KIAA2012: variants seen among roughly 807,000 people sequenced by gnomAD.
KIAA2012 encodes the protein KIAA2012.
KIAA2012 carries 125 observed loss-of-function variants against 150.6 expected under a neutral mutation model. The ratio of observed to expected loss-of-function variants is 0.83; its 90% CI spans 0.72 to 0.96. The LOEUF (loss-of-function observed/expected upper bound fraction) is 0.96, where lower values mean the gene tolerates loss of function less well. KIAA2012 is among the 40% of genes least tolerant of loss of function. The probability of loss-of-function intolerance (pLI) is 0.00; values close to 1 mark genes in which losing one functional copy is unlikely to be tolerated. For synonymous variants in KIAA2012, 462 were observed against 504.7 expected, an observed-to-expected ratio of 0.92 and a Z score of 1.13; for missense variants, 1,219 against 1,354.9, an observed-to-expected ratio of 0.90 and a Z score of 1.57.
chr2:202,095,926 A>T (rs576979576), intron 4 of KIAA2012, among the ~76,000 whole-genome samples: 2 of 152,230 alleles, frequency 1.3e-5, no homozygotes, highest in South Asian at 2.1e-4. Context: ...TCTACTAAAG[A>T]TACAAAAATT....
intron 13 of KIAA2012, among the ~76,000 whole-genome samples, chr2:202,153,801 A>G (rs1287957637): frequency 1.3e-5 from 2 of 152,180 alleles, no homozygotes; most frequent in African/African-American, 4.8e-5. Flanking sequence ...TAGAAAAGAC[A>G]CCCAATAAAT....
intron 14 of KIAA2012, among the ~76,000 whole-genome samples, chr2:202,159,187 A>G (rs974960066): frequency 6.6e-6 from 1 of 152,208 alleles, no homozygotes. Flanking sequence ...TGCTTGGCTT[A>G]GGACATCATC....
chr2:202,159,381 A>G (rs1691604230), intron 14 of KIAA2012, among the ~76,000 whole-genome samples: 1 of 147,888 alleles, frequency 6.8e-6, no homozygotes, highest in East Asian at 2.0e-4. Context: ...TCTATTTCCA[A>G]AAAAAAAAAA....
At chr2:202,131,581 A>G (rs1265898433) in intron 12 of KIAA2012, among the ~76,000 whole-genome samples, 1 of 152,248 alleles carries the variant, frequency 6.6e-6, no homozygotes, top group Non-Finnish European at 1.5e-5. Flanking sequence ...AAAGTAGTCC[A>G]CAGGGGTGGA....
chr2:202,204,636 A>C (rs1255503146), intron 23 of KIAA2012, among the ~76,000 whole-genome samples: 3 of 152,204 alleles, frequency 2.0e-5, no homozygotes, highest in Non-Finnish European at 4.4e-5. Context: ...TGCTTTCTAC[A>C]GAAATTACAC....
At chr2:202,130,567 G>T (rs1256100311) in intron 12 of KIAA2012, among the ~76,000 whole-genome samples, 1 of 152,124 alleles carries the variant, frequency 6.6e-6, no homozygotes, top group Non-Finnish European at 1.5e-5. Flanking sequence ...TTCTTAAATA[G>T]TATTTTCTAT....
intron 12 of KIAA2012, 158 bp from the exon 13 acceptor site, chr2:202,138,274 T>A: frequency 1.6e-6 from 1 of 615,290 alleles, no homozygotes; most frequent in Non-Finnish European, 2.9e-6. Flanking sequence ...GTTACAGGTG[T>A]TTTTTGGTGA....
At chr2:202,121,148 T>C (rs994603966) in intron 11 of KIAA2012, among the ~76,000 whole-genome samples, 1 of 152,206 alleles carries the variant, frequency 6.6e-6, no homozygotes, top group Non-Finnish European at 1.5e-5. Context: ...AAGAGAACAA[T>C]TCCATATGGG....
At chr2:202,127,712 C>T (rs924184481) in intron 12 of KIAA2012, among the ~76,000 whole-genome samples, 3 of 152,236 alleles carry the variant, frequency 2.0e-5, no homozygotes, top group African/African-American at 7.2e-5. Flanking sequence ...AGACCTTGGA[C>T]TAATGCAAAT....
At chr2:202,198,182 A>AG (rs1222477441) in intron 22 of KIAA2012, among the ~76,000 whole-genome samples, 3 of 151,374 alleles carry the variant, frequency 2.0e-5, no homozygotes, top group African/African-American at 7.3e-5. Flanking sequence ...CTCAAAAAAA[A>AG]AAAAAAAAAA....
chr2:202,125,508 C>T (rs1017481772), intron 12 of KIAA2012, among the ~76,000 whole-genome samples: 2 of 152,118 alleles, frequency 1.3e-5, no homozygotes, highest in African/African-American at 2.4e-5. Context: ...GAAGAGACGT[C>T]GGGTGGAACC....
intron 11 of KIAA2012, chr2:202,113,660 GGA>G (rs1487154649): frequency 3.7e-6 from 2 of 537,656 alleles, no homozygotes; most frequent in East Asian, 6.4e-5. Flanking sequence ...TGGAGCATTT[GGA>G]GAGAGAAGTT....
intron 14 of KIAA2012, among the ~76,000 whole-genome samples, chr2:202,156,636 A>G (rs1691533308): frequency 6.6e-6 from 1 of 152,248 alleles, no homozygotes; most frequent in South Asian, 2.1e-4. Flanking sequence ...CTGTAATCCC[A>G]GCACTTTGGG....
Position 202,193,315 on chromosome 2 carries a change from G to A in KIAA2012, c.2826G>A (p.Lys942=). 1.3e-6 allele frequency: 2 copies of A among 1,549,650 alleles called. No individual in the cohort carries two copies. Among genetic ancestry groups the A allele is most frequent in the East Asian group, 2.4e-5 (1 of 40,912 alleles). The change falls in exon 20 of 24, where the codon AAG becomes AAA. Residue 942 remains lysine, a synonymous_variant. Transcript: ENST00000498697. ...TGGTTTCTTAGGCCCTCCTCACTAA[G>A]AGGGAGCAGGAGAAGGCTTCCTGGG... ...CEDPSKALLT[K]REQEKASWDR...
chr2:202,137,623 A>G (rs1691100910), intron 12 of KIAA2012: 1 of 151,990 alleles, frequency 6.6e-6, no homozygotes, highest in African/African-American at 2.4e-5. Flanking sequence ...GACCAAATTT[A>G]CTTTCTTAAG....
rs1690131731 is a variant in KIAA2012, at chr2:202,104,538, GCA to G, written c.1325-1222_1325-1221del. Among the ~76,000 whole-genome samples, 1 of 152,226 alleles carries G rather than the reference GCA, an allele frequency of 6.6e-6. No individual in the cohort carries two copies. Among genetic ancestry groups the G allele is most frequent in the Non-Finnish European group, 1.5e-5 (1 of 68,040 alleles). ...TTTTCACAGAAGGAATATGGGCAAGGCAGAGCAAGCAGCCTAAGCAGATTTAG... is the reference window on the plus strand; with the variant it reads ...TTTTCACAGAAGGAATATGGGCAAGGGAGCAAGCAGCCTAAGCAGATTTAG... On this transcript the variant is annotated intron_variant, in intron 8 of 23. Coordinates refer to ENST00000498697, the MANE Select transcript of KIAA2012 (RefSeq NM_001277372.4). This position sits in a 1 kb window ranked among gnomAD's most constrained non-coding sequence, Gnocchi z 4.3.
intron 9 of KIAA2012, 25 bp from the exon 10 acceptor site, chr2:202,109,588 G>A: frequency 6.7e-7 from 1 of 1,500,552 alleles, no homozygotes; most frequent in East Asian, 2.5e-5. Context: ...TCTCACACAG[G>A]CTTTTTCCCC....
intron 11 of KIAA2012, among the ~76,000 whole-genome samples, chr2:202,122,852 GA>G (rs1235329484): frequency 1.3e-5 from 2 of 152,148 alleles, no homozygotes; most frequent in Admixed American, 1.3e-4. Context: ...GGTTGTTTCG[GA>G]AAGGGGGGCA....
At chr2:202,092,377 A>G (rs997652796) in intron 3 of KIAA2012, among the ~76,000 whole-genome samples, 5 of 151,898 alleles carry the variant, frequency 3.3e-5, no homozygotes, top group Admixed American at 6.6e-5. Context: ...ATTTCTTTAC[A>G]CCCCTATGAT....
Sources: gnomAD v4.1 joint callset for allele counts (sites outside exome capture counted in the v4.1 genomes callset) on GRCh38, gnomAD v4.1.1 for gene constraint, Gnocchi (gnomAD v3.1) non-coding constraint, MANE v1.5 for transcripts, NCBI Gene and HGNC (gene_info 2026-07-23, HGNC 2026-07-21) for gene names.